Variants in CEP85L observed in about 807,000 individuals in gnomAD.
CEP85L encodes centrosomal protein 85L.
Under a neutral mutation model 100.3 loss-of-function variants are expected in CEP85L, and 60 were observed. The ratio of observed to expected loss-of-function variants is 0.60; its 90% CI spans 0.49 to 0.74. The LOEUF (loss-of-function observed/expected upper bound fraction) is 0.74, where lower values mean the gene tolerates loss of function less well. CEP85L is among the 30% of genes least tolerant of loss of function. The pLI is 0.00. For synonymous variants in CEP85L, 319 were observed against 322.7 expected (o/e 0.99, Z 0.12); for missense variants, 973 against 936.2 (o/e 1.04, Z -0.51).
chr6:118,513,716 T>A (rs941545807), intron 4 of CEP85L, among the ~76,000 whole-genome samples: 2 of 151,912 alleles, frequency 1.3e-5, no homozygotes, highest in Non-Finnish European at 2.9e-5. Flanking sequence ...ACTTAAAAGC[T>A]GAAAGAATTG....
At chr6:118,566,487 G>A (rs939756094) in intron 2 of CEP85L, among the ~76,000 whole-genome samples, 171 bp from the exon 3 acceptor site, 3 of 151,864 alleles carry the variant, frequency 2.0e-5, no homozygotes, top group Non-Finnish European at 2.9e-5. Context: ...GCAAGATCTC[G>A]GCTCACCGCA....
intron 3 of CEP85L, among the ~76,000 whole-genome samples, chr6:118,527,324 G>T (rs529122225): frequency 7.2e-5 from 11 of 152,110 alleles, no homozygotes; most frequent in African/African-American, 2.4e-4. Context: ...TAACAAACGT[G>T]CTTTCCCTGT....
At chr6:118,599,008 A>G (rs1010790974) in intron 2 of CEP85L, among the ~76,000 whole-genome samples, 1 of 152,234 alleles carries the variant, frequency 6.6e-6, no homozygotes, top group Non-Finnish European at 1.5e-5. Context: ...CTCAATACTA[A>G]TACTGACGAA....
chr6:118,654,514 T>G (rs2115395335), upstream of CEP85L, among the ~76,000 whole-genome samples: 1 of 152,356 alleles, frequency 6.6e-6, no homozygotes, highest in East Asian at 1.9e-4. Flanking sequence ...AATTCTTGTA[T>G]ATCAAGTGTG....
At chr6:118,663,534 AT>A (rs1776038813) in intron 1 of CEP85L, among the ~76,000 whole-genome samples, 1 of 152,246 alleles carries the variant, frequency 6.6e-6, no homozygotes, top group South Asian at 2.1e-4. Flanking sequence ...CAATGAAAAA[AT>A]AATCATAGAA....
intron 1 of CEP85L, among the ~76,000 whole-genome samples, chr6:118,694,855 T>C (rs180884658): frequency 6.6e-6 from 1 of 152,348 alleles, no homozygotes; most frequent in East Asian, 1.9e-4. Flanking sequence ...AGCCATCCCA[T>C]GTTCCCTTTC....
chr6:118,612,962 T>C (rs1437755647), intron 2 of CEP85L, among the ~76,000 whole-genome samples: 1 of 152,056 alleles, frequency 6.6e-6, no homozygotes, highest in Non-Finnish European at 1.5e-5. Context: ...CTCACACCTG[T>C]AATCCCAGCA....
chr6:118,686,773 C>T (rs975120210), intron 1 of CEP85L, among the ~76,000 whole-genome samples: 1 of 152,138 alleles, frequency 6.6e-6, no homozygotes, highest in Non-Finnish European at 1.5e-5. Context: ...AATATTTAGG[C>T]CTGTTGTGTT....
upstream of CEP85L, chr6:118,652,583 A>C: frequency 1.2e-5 from 17 of 1,469,004 alleles, no homozygotes; most frequent in Non-Finnish European, 1.5e-5. Flanking sequence ...CTGTTCTGGA[A>C]TCTTGCTAAC....
At chr6:118,688,486 T>C (rs1410731507) in intron 1 of CEP85L, among the ~76,000 whole-genome samples, 1 of 152,244 alleles carries the variant, frequency 6.6e-6, no homozygotes, top group Non-Finnish European at 1.5e-5. Flanking sequence ...AAATTGGACC[T>C]CTTCTTACAG....
intron 5 of CEP85L, among the ~76,000 whole-genome samples, chr6:118,508,081 C>A (rs962900946): frequency 2.0e-5 from 3 of 152,068 alleles, no homozygotes; most frequent in Admixed American, 2.0e-4. Flanking sequence ...GGTTTAAGTT[C>A]CATAAAGGCA....
At chr6:118,682,771 G>GCACACACACACA (rs201043236) in intron 1 of CEP85L, among the ~76,000 whole-genome samples, 9 of 138,174 alleles carry the variant, frequency 6.5e-5, no homozygotes, top group African/African-American at 2.4e-4. Context: ...GCCTGAGCAT[G>GCACACACACACA]CACACACACA....
intron 3 of CEP85L, among the ~76,000 whole-genome samples, chr6:118,539,262 T>C (rs1468221861): frequency 6.6e-6 from 1 of 152,258 alleles, no homozygotes; most frequent in Non-Finnish European, 1.5e-5. Context: ...ATTCTTACTA[T>C]ATCTTTTCTA....
chr6:118,660,869 A>G (rs1243184193), intron 1 of CEP85L, among the ~76,000 whole-genome samples: 2 of 147,230 alleles, frequency 1.4e-5, no homozygotes, highest in African/African-American at 5.1e-5. Context: ...GAAAGGTGTC[A>G]GAATTTTCTT....
intron 10 of CEP85L, among the ~76,000 whole-genome samples, chr6:118,473,682 A>G (rs1489384700): frequency 6.6e-6 from 1 of 152,188 alleles, no homozygotes; most frequent in Non-Finnish European, 1.5e-5. Flanking sequence ...CAAGGGTAGA[A>G]GCATGAAGAA....
intron 3 of CEP85L, among the ~76,000 whole-genome samples, chr6:118,558,656 C>CAGAGAGAG (rs1413401167): frequency 1.5e-5 from 2 of 133,862 alleles, no homozygotes; most frequent in Non-Finnish European, 3.1e-5. Context: ...CACACACACA[C>CAGAGAGAG]ACACAGAGAG....
chr6:118,610,946 G>A (rs1449321707), intron 2 of CEP85L, among the ~76,000 whole-genome samples: 1 of 152,036 alleles, frequency 6.6e-6, no homozygotes, highest in African/African-American at 2.4e-5. Flanking sequence ...AAGAATCAAG[G>A]GGAAGTCAAG....
chr6:118,501,682 A>C (rs1177037688), intron 5 of CEP85L: 1 of 667,064 alleles, frequency 1.5e-6, no homozygotes, highest in African/African-American at 1.8e-5. Context: ...CAGAGATGAA[A>C]ATTTTTAGCC....
intron 6 of CEP85L, among the ~76,000 whole-genome samples, chr6:118,488,405 G>C (rs1408551613): frequency 1.3e-5 from 2 of 151,804 alleles, no homozygotes; most frequent in Admixed American, 1.3e-4. Flanking sequence ...AAATTCACTA[G>C]AGAGGGTCAA....
Sources: allele counts gnomAD v4.1 joint callset (sites outside exome capture counted in the v4.1 genomes callset), GRCh38; gene constraint gnomAD v4.1.1; transcripts MANE v1.5; gene names NCBI Gene and HGNC (gene_info 2026-07-23, HGNC 2026-07-21).